Variants in HS1BP3 observed in about 807,000 individuals in gnomAD.
The protein encoded by HS1BP3 is HCLS1-binding protein 3.
In HS1BP3, 32 loss-of-function variants were observed where a neutral mutation model predicts 33.5. That is an observed-to-expected ratio of 0.95 (90% confidence interval 0.72 to 1.28). The LOEUF (loss-of-function observed/expected upper bound fraction) is 1.28. Among genes scored for constraint, HS1BP3 ranks in the 50% most tolerant of loss-of-function variants. The pLI is 0.00. For synonymous variants in HS1BP3, 187 were observed against 209.2 expected, an observed-to-expected ratio of 0.89 and a Z score of 0.92; for missense variants, 486 against 502.3, an observed-to-expected ratio of 0.97 and a Z score of 0.31.
chr2:20,605,844 C>T (rs1404759960), intron 2 of HS1BP3, among the ~76,000 whole-genome samples: 5 of 152,176 alleles, frequency 3.3e-5, no homozygotes, highest in Non-Finnish European at 5.9e-5. Flanking sequence ...TTGATTTGTT[C>T]TTCCACTGAT....
intron 4 of HS1BP3, chr2:20,637,177 AGT>A (rs1695163286): frequency 1.3e-5 from 2 of 152,276 alleles, no homozygotes; most frequent in Non-Finnish European, 2.9e-5. Context: ...CGCTCGGCTA[AGT>A]GTGTTCTTCA....
intron 4 of HS1BP3, among the ~76,000 whole-genome samples, chr2:20,633,967 C>T (rs1042977897): frequency 3.3e-5 from 5 of 152,234 alleles, no homozygotes; most frequent in Admixed American, 6.5e-5. Flanking sequence ...GGCTTTGGGT[C>T]CCCAGCCAGG....
chr2:20,640,387 A>G (rs1695301077), intron 3 of HS1BP3: 1 of 186,354 alleles, frequency 5.4e-6, no homozygotes, highest in Non-Finnish European at 1.1e-5. Flanking sequence ...CTTACAGATG[A>G]GAAAACTGAG....
At chr2:20,587,828 G>A (rs1693717794), downstream of HS1BP3, among the ~76,000 whole-genome samples, 1 of 152,198 alleles carries the variant, frequency 6.6e-6, no homozygotes. Flanking sequence ...CAGGAGCTGT[G>A]GGGAGCCTGA....
chr2:20,609,264 G>C (rs1694265520), intron 2 of HS1BP3, among the ~76,000 whole-genome samples: 1 of 152,132 alleles, frequency 6.6e-6, no homozygotes, highest in Non-Finnish European at 1.5e-5. Context: ...TCTAGTCCTC[G>C]CTCTCTGCCA....
rs11544152 is a variant in HS1BP3 at position 20,618,559 on chromosome 2, C to A, written c.*428G>T. 0.02 allele frequency: 4,368 copies of A among 222,322 alleles called. 60 individuals carry two copies. The highest frequency in any genetic ancestry group is 0.025 in the Non-Finnish European group (3,164 of 126,206). 13.8% of individuals were successfully genotyped at this position (222,322 alleles called of 1,614,324 possible). A position where few individuals can be genotyped will look rare whatever the true frequency, so the allele number is the denominator to read the frequency against. On this transcript the variant is annotated 3_prime_UTR_variant, in exon 7 of 7. Coordinates refer to ENST00000304031, the MANE Select transcript of HS1BP3 (RefSeq NM_022460.4). ...CTCCTTCTTACTATGCGAACAGAGG[C>A]AGAGGAGGGATAGAGGCCCAGCCCC...
chr2:20,582,574 C>A (rs1359329101), intron 5 of HS1BP3, among the ~76,000 whole-genome samples: 1 of 152,120 alleles, frequency 6.6e-6, no homozygotes, highest in African/African-American at 2.4e-5. Context: ...TGCTCCCCCT[C>A]ATGTCAGCCC....
intron 4 of HS1BP3, among the ~76,000 whole-genome samples, chr2:20,629,948 C>A (rs1412448812): frequency 6.6e-6 from 1 of 152,242 alleles, no homozygotes; most frequent in Non-Finnish European, 1.5e-5. Context: ...CTCTGGCCAC[C>A]CAGGGGGCCT....
rs1402801522 is a variant in HS1BP3, at chr2:20,611,979, G to A, written c.178+11917C>T. Among the ~76,000 whole-genome samples, 1 of 152,204 alleles carries A rather than the reference G, an allele frequency of 6.6e-6. No individual in the cohort carries two copies. The highest frequency in any genetic ancestry group is 1.5e-5 in the Non-Finnish European group (1 of 68,036). On this transcript the variant is annotated intron_variant, in intron 2 of 3. Coordinates refer to the HS1BP3 transcript ENST00000415264. This position sits in a 1 kb window ranked among gnomAD's most constrained non-coding sequence, Gnocchi z 4.9. ...AAGAGAGGGAGTACTCAAACTCTAGGATTCCTCATAGCCCAATAGACAGCA... is the reference window on the plus strand; with the variant it reads ...AAGAGAGGGAGTACTCAAACTCTAGAATTCCTCATAGCCCAATAGACAGCA...
At chr2:20,604,877 C>A (rs867105483) in intron 2 of HS1BP3, among the ~76,000 whole-genome samples, 1 of 152,162 alleles carries the variant, frequency 6.6e-6, no homozygotes, top group Non-Finnish European at 1.5e-5. Context: ...ACTACCTGCC[C>A]TCCCATCCCC....
In HS1BP3 at chr2:20,618,940, A is replaced by T; in HGVS notation, c.*47T>A. The T allele has an allele frequency of 1.3e-6, 2 of 1,581,534 alleles. No individual in the cohort carries two copies. Among genetic ancestry groups the T allele is most frequent in the South Asian group, 2.3e-5 (2 of 85,724 alleles). ...GGCCCAGTCCCTTCCCTTCACACCG[A>T]TGTCCCCACAGACAGGCCTGCTGGG... is the stretch of plus-strand genomic sequence containing the variant. On this transcript the variant is annotated 3_prime_UTR_variant, in exon 7 of 7. Transcript: ENST00000304031.
At chr2:20,607,580 T>C (rs906371791) in intron 2 of HS1BP3, among the ~76,000 whole-genome samples, 1 of 152,252 alleles carries the variant, frequency 6.6e-6, no homozygotes, top group Non-Finnish European at 1.5e-5. Context: ...AGTTTATATC[T>C]GGACTCTTAA....
chr2:20,562,194 G>A (rs890476008), intron 5 of HS1BP3, among the ~76,000 whole-genome samples: 2 of 152,102 alleles, frequency 1.3e-5, no homozygotes, highest in Non-Finnish European at 2.9e-5. Context: ...TAATCAATGG[G>A]TAGGTCAGGC....
At chr2:20,623,773 T>G in intron 6 of HS1BP3, 123 bp downstream of exon 6, 2 of 1,171,628 alleles carry the variant, frequency 1.7e-6, no homozygotes, top group South Asian at 1.8e-5. Flanking sequence ...GCTTCTACTT[T>G]TCACAGGCCT....
intron 5 of HS1BP3, among the ~76,000 whole-genome samples, chr2:20,580,211 A>G (rs1693498913): frequency 6.6e-6 from 1 of 152,270 alleles, no homozygotes; most frequent in African/African-American, 2.4e-5. Context: ...AACAAGCTGG[A>G]GGCCTTTAGA....
chr2:20,626,565 C>T (rs1694790998), intron 4 of HS1BP3, among the ~76,000 whole-genome samples: 2 of 152,230 alleles, frequency 1.3e-5, no homozygotes, highest in South Asian at 4.1e-4. Flanking sequence ...GCAGGGATAA[C>T]AGGATTGATC....
chr2:20,636,298 C>G (rs1695128271), intron 4 of HS1BP3: 1 of 146,082 alleles, frequency 6.8e-6, no homozygotes, highest in Admixed American at 6.7e-5. Context: ...ACACACACAG[C>G]TCTGGAACAC....
At chr2:20,561,923 T>C (rs1043991521) in intron 5 of HS1BP3, among the ~76,000 whole-genome samples, 3 of 152,120 alleles carry the variant, frequency 2.0e-5, no homozygotes, top group Admixed American at 2.0e-4. Flanking sequence ...GCGCCCAACC[T>C]CCTGGGGTGG....
chr2:20,616,390 A>C (rs1164670972), downstream of HS1BP3, among the ~76,000 whole-genome samples: 1 of 152,218 alleles, frequency 6.6e-6, no homozygotes, highest in Non-Finnish European at 1.5e-5. Flanking sequence ...CCTGGGTCCC[A>C]GGGCTGAAGC....
Sources: gnomAD v4.1 joint callset for allele counts (sites outside exome capture counted in the v4.1 genomes callset) on GRCh38, gnomAD v4.1.1 for gene constraint, Gnocchi (gnomAD v3.1) non-coding constraint, MANE v1.5 for transcripts, NCBI Gene and HGNC (gene_info 2026-07-23, HGNC 2026-07-21) for gene names.